DCLK2: variants seen among roughly 807,000 people sequenced by gnomAD.
DCLK2 encodes the protein serine/threonine-protein kinase DCLK2.
DCLK2 carries 31 observed loss-of-function variants against 78.4 expected under a neutral mutation model. The ratio of observed to expected loss-of-function variants is 0.40; its 90% CI spans 0.30 to 0.53. DCLK2 has a LOEUF of 0.53. DCLK2 is among the 20% of genes least tolerant of loss of function. The pLI is 0.61. For missense variants in DCLK2, 872 were observed against 973.7 expected (o/e 0.90, Z 1.39); for synonymous variants, 407 against 374.9 (o/e 1.09, Z -0.99).
At chr4:150,189,920 G>A (rs1418552870) in intron 2 of DCLK2, among the ~76,000 whole-genome samples, 3 of 151,558 alleles carry the variant, frequency 2.0e-5, no homozygotes, top group Non-Finnish European at 4.4e-5. Context: ...GGCTGTGGGT[G>A]CCTGTAAATC....
chr4:150,128,565 A>G (rs1733076545), intron 2 of DCLK2, among the ~76,000 whole-genome samples: 1 of 152,200 alleles, frequency 6.6e-6, no homozygotes, highest in Admixed American at 6.5e-5. Context: ...TCAAATCCTG[A>G]AAGATTGAAT....
intron 4 of DCLK2, among the ~76,000 whole-genome samples, chr4:150,202,262 A>G (rs1187053842): frequency 1.3e-5 from 2 of 152,220 alleles, no homozygotes; most frequent in African/African-American, 4.8e-5. Context: ...AGAAGTAATC[A>G]GGGCTGTTGA....
intron 2 of DCLK2, among the ~76,000 whole-genome samples, chr4:150,138,275 C>T (rs115902026): frequency 2.0e-3 from 310 of 152,266 alleles, no homozygotes; most frequent in Non-Finnish European, 3.6e-3. Context: ...GGATGTTGTG[C>T]AAGGTAGGTA....
intron 2 of DCLK2, among the ~76,000 whole-genome samples, chr4:150,135,933 T>G (rs572891867): frequency 6.6e-6 from 1 of 152,338 alleles, no homozygotes; most frequent in South Asian, 2.1e-4. Flanking sequence ...AGTGGCATCG[T>G]GAACATACAG....
intron 2 of DCLK2, among the ~76,000 whole-genome samples, chr4:150,136,287 A>C (rs1188252495): frequency 6.6e-6 from 1 of 152,232 alleles, no homozygotes; most frequent in Non-Finnish European, 1.5e-5. Context: ...TGAATGATAA[A>C]GTCCAGGATG....
intron 2 of DCLK2, among the ~76,000 whole-genome samples, chr4:150,119,816 A>T (rs549728373): frequency 6.6e-6 from 1 of 152,156 alleles, no homozygotes; most frequent in African/African-American, 2.4e-5. Flanking sequence ...TTGTCACTTT[A>T]ATCTTGAACT....
intron 2 of DCLK2, among the ~76,000 whole-genome samples, chr4:150,125,253 A>T (rs1732840068): frequency 6.6e-6 from 1 of 152,096 alleles, no homozygotes; most frequent in Non-Finnish European, 1.5e-5. Context: ...ATCTCTGGAC[A>T]TTTTTTTATT....
In DCLK2 at chr4:150,128,233, A is replaced by G. The variant is rs561423374; in HGVS notation, c.756+25421A>G. ...AAGAATTGCCAGCGTTACTGGGCCC[A>G]AAACATCAGTAGTGCCAAGGTTGGG... On this transcript the variant is annotated intron_variant, in intron 2 of 15. Coordinates refer to ENST00000296550, the MANE Select transcript of DCLK2 (RefSeq NM_001040260.4). Among the ~76,000 whole-genome samples, 13 of 152,312 alleles carry G rather than the reference A, an allele frequency of 8.5e-5. No homozygotes were observed. The South Asian group carries it at 2.7e-3, about 32-fold the overall frequency.
At chr4:150,102,140 G>A (rs753233549) in intron 1 of DCLK2, among the ~76,000 whole-genome samples, 17 of 152,182 alleles carry the variant, frequency 1.1e-4, no homozygotes, top group Non-Finnish European at 2.2e-4. Context: ...GAATCAGGAA[G>A]TACTTTAGAA....
intron 3 of DCLK2, 52 bp downstream of exon 3, chr4:150,193,292 T>A (rs533478611): frequency 1.4e-4 from 179 of 1,263,564 alleles, no homozygotes; most frequent in Non-Finnish European, 2.0e-4. Flanking sequence ...ACCCCTGAAA[T>A]GAAGGCTTGG....
At chr4:150,153,274 C>T (rs553798620) in intron 2 of DCLK2, among the ~76,000 whole-genome samples, 3 of 152,234 alleles carry the variant, frequency 2.0e-5, no homozygotes, top group African/African-American at 7.2e-5. Flanking sequence ...TTGTGAGGGG[C>T]CTTCCATGTG....
At chr4:150,102,385 G>A in intron 1 of DCLK2, 93 bp from the exon 2 acceptor site, 2 of 1,239,264 alleles carry the variant, frequency 1.6e-6, no homozygotes, top group Non-Finnish European at 2.3e-6. Flanking sequence ...AAGGTTAAGG[G>A]TTCACTTAAT....
In DCLK2 at chr4:150,164,721, C is replaced by T. The variant is rs541850206; in HGVS notation, c.757-28417C>T. ...GGCTGAGGCAGGAGAATTGCTTGAA[C>T]ACAGGAGGTGGAGGTTGCAGTGAGC... On this transcript the variant is annotated intron_variant, in intron 2 of 15. Coordinates refer to ENST00000296550, the MANE Select transcript of DCLK2 (RefSeq NM_001040260.4). 1.3e-4 allele frequency among the ~76,000 whole-genome samples: 20 copies of T among 152,234 alleles called. No individual in the cohort carries two copies. In the East Asian group the frequency reaches 3.3e-3, roughly 25 times the overall value.
Position 150,078,939 on chromosome 4 carries a change from G to T in DCLK2, c.-89G>T, listed in dbSNP as rs1399748310. 1 of 1,403,954 alleles carries T rather than the reference G, an allele frequency of 7.1e-7. No homozygotes were observed. The highest frequency in any genetic ancestry group is 9.3e-7 in the Non-Finnish European group (1 of 1,071,696). 87.0% of individuals were successfully genotyped at this position (1,403,954 alleles called of 1,614,324 possible). A position where few individuals can be genotyped will look rare whatever the true frequency, so the allele number is the denominator to read the frequency against. On this transcript the variant is annotated 5_prime_UTR_variant, in exon 1 of 16. Transcript: ENST00000296550. ...GAGCCAGGTGTCCCGGCGCGTTAAG[G>T]GCCCTCGCAGTCAGACGTCCCTGCA...
chr4:150,127,686 C>T (rs12645121), intron 2 of DCLK2, among the ~76,000 whole-genome samples: 12,276 of 152,264 alleles, frequency 0.081, 492 homozygotes, highest in Admixed American at 0.093. Context: ...TCTAATGCTG[C>T]ACCTTCTCTC....
In DCLK2 at chr4:150,078,857, C is replaced by G; in HGVS notation, c.-171C>G. 1 of 788,558 alleles carries G rather than the reference C, an allele frequency of 1.3e-6. No homozygotes were observed. Among genetic ancestry groups the G allele is most frequent in the Non-Finnish European group, 1.9e-6 (1 of 539,338 alleles). 48.8% of individuals were successfully genotyped at this position (788,558 alleles called of 1,614,324 possible). ...GGACACTTTTAGCTGAGGGCGCGGG[C>G]GGGTCGGCTCCTCCGCGGCTCCTCG... On this transcript the variant is annotated 5_prime_UTR_variant, in exon 1 of 16. Coordinates refer to ENST00000296550, the MANE Select transcript of DCLK2 (RefSeq NM_001040260.4).
intron 2 of DCLK2, among the ~76,000 whole-genome samples, chr4:150,121,777 G>A (rs543195733): frequency 6.6e-6 from 1 of 152,296 alleles, no homozygotes; most frequent in Non-Finnish European, 1.5e-5. Flanking sequence ...CATCAGACTT[G>A]AAAGTTGAAA....
chr4:150,215,002 T>C (rs893425438), intron 5 of DCLK2, among the ~76,000 whole-genome samples: 6 of 150,990 alleles, frequency 4.0e-5, no homozygotes, highest in South Asian at 2.1e-4. Flanking sequence ...TTGACACTTA[T>C]AGACCATTTA....
chr4:150,086,871 G>A (rs1033021290), intron 1 of DCLK2, among the ~76,000 whole-genome samples: 4 of 152,074 alleles, frequency 2.6e-5, no homozygotes, highest in East Asian at 3.9e-4. Context: ...TTCTAAGCCC[G>A]CTAATATTTT....
Sources: allele counts gnomAD v4.1 joint callset (sites outside exome capture counted in the v4.1 genomes callset), GRCh38; gene constraint gnomAD v4.1.1; transcripts MANE v1.5; gene names NCBI Gene and HGNC (gene_info 2026-07-23, HGNC 2026-07-21).